Variants in NR5A1 observed in about 807,000 individuals in gnomAD.
NR5A1 encodes steroidogenic factor 1.
In NR5A1, 6 loss-of-function variants were observed where a neutral mutation model predicts 42.7. That is an observed-to-expected ratio of 0.14 (90% CI 0.08 to 0.28). The LOEUF (loss-of-function observed/expected upper bound fraction) is 0.28, where lower values mean the gene tolerates loss of function less well. Ranked by LOEUF, NR5A1 falls within the 10% of genes least tolerant of loss-of-function variation. The pLI, the probability that NR5A1 is intolerant of heterozygous loss-of-function variation, is 1.00. For missense variants in NR5A1, 442 were observed against 626.4 expected (o/e 0.71, Z 3.14); for synonymous variants, 274 against 277.5 (o/e 0.99, Z 0.12).
At chr9:124,486,987 C>T (rs1201522977) in intron 6 of NR5A1, among the ~76,000 whole-genome samples, 1 of 152,248 alleles carries the variant, frequency 6.6e-6, no homozygotes, top group Non-Finnish European at 1.5e-5. Flanking sequence ...GGAGCTGGCT[C>T]TCATCTGCAT....
chr9:124,489,102 C>T (rs1346020266), intron 6 of NR5A1, among the ~76,000 whole-genome samples: 1 of 152,244 alleles, frequency 6.6e-6, no homozygotes, highest in African/African-American at 2.4e-5. Flanking sequence ...CTGGATTCAC[C>T]CCCGGCAGCC....
intron 6 of NR5A1, among the ~76,000 whole-genome samples, 196 bp downstream of exon 6, chr9:124,490,885 C>A (rs1488816364): frequency 6.6e-6 from 1 of 152,186 alleles, no homozygotes; most frequent in Non-Finnish European, 1.5e-5. Context: ...CGGGAGCAGC[C>A]CCCATTTAAG....
chr9:124,483,425 C>T (rs1047700263), intron 6 of NR5A1, among the ~76,000 whole-genome samples: 16 of 152,204 alleles, frequency 1.1e-4, no homozygotes, highest in Admixed American at 3.3e-4. Flanking sequence ...GTAAAATGGG[C>T]GTGACGACAG....
At chr9:124,502,860 C>T (rs1377585951) in intron 3 of NR5A1, among the ~76,000 whole-genome samples, 2 of 152,212 alleles carry the variant, frequency 1.3e-5, no homozygotes, top group Admixed American at 6.5e-5. Context: ...CTTTTGGATA[C>T]TTCTCAGCCC....
chr9:124,488,318 C>A lies in NR5A1; in HGVS notation c.1138+2763G>T, dbSNP rs151123179. The stretch of plus-strand genomic sequence containing the variant: ...AACCTGGAACTGGCCAGCCAAAGGC[C>A]TCTGCAGCCCCCTACATCCCTCTCT... On this transcript the variant is annotated intron_variant, in intron 6 of 6. Transcript: ENST00000373588. Among the ~76,000 whole-genome samples, 7 of 152,238 alleles carry A rather than the reference C, an allele frequency of 4.6e-5. No homozygotes were observed. The East Asian group carries it at 1.4e-3, about 30-fold the overall frequency.
At chr9:124,491,677 T>TCACACA (rs141470926) in intron 5 of NR5A1, among the ~76,000 whole-genome samples, 4 of 149,896 alleles carry the variant, frequency 2.7e-5, no homozygotes, top group African/African-American at 9.8e-5. Context: ...CAGCTCAGAG[T>TCACACA]CACACACACA....
rs1832456181 is a variant in NR5A1, at chr9:124,500,609, G to T, written c.351C>A (p.Gly117=). The T allele has an allele frequency of 6.2e-7, 1 of 1,612,908 alleles. No individual in the cohort carries two copies. The highest frequency in any genetic ancestry group is 8.5e-7 in the Non-Finnish European group (1 of 1,180,022). ...TCGGGGGCCCTGTCTCCAGCTTGAA[G>T]CCATTGGCCCGAATCTGTGCCTTCT... ...QQKKAQIRAN[G]FKLETGPPMG... is the part of the protein sequence containing the mutation. The change falls in exon 4 of 7, where the codon GGC becomes GGA. Residue 117 remains glycine (G), a synonymous_variant. Coordinates refer to ENST00000373588, the MANE Select transcript of NR5A1 (RefSeq NM_004959.5). The surrounding 1 kb of genome is among the most constrained non-coding windows in gnomAD (Gnocchi z 6.9).
chr9:124,491,039 C>CCCCCGGGGGGG, intron 6 of NR5A1, 42 bp downstream of exon 6: 4 of 1,496,940 alleles, frequency 2.7e-6, no homozygotes, highest in Non-Finnish European at 3.6e-6. Flanking sequence ...ACCCACCCGC[C>CCCCCGGGGGGG]TCTGGCTGTC....
At chr9:124,491,017 ACCCACCCT>A in intron 6 of NR5A1, 56 bp downstream of exon 6, 1 of 457,440 alleles carries the variant, frequency 2.2e-6, no homozygotes, top group Non-Finnish European at 4.2e-6. Flanking sequence ...CTCCAGCCTC[ACCCACCCT>A]CCCACCCACC....
At chr9:124,499,595 C>T (rs535976964) in intron 4 of NR5A1, among the ~76,000 whole-genome samples, 3 of 152,322 alleles carry the variant, frequency 2.0e-5, no homozygotes, top group East Asian at 1.9e-4. Flanking sequence ...TTGCCAGCCT[C>T]CCTGAATGGG....
intron 6 of NR5A1, among the ~76,000 whole-genome samples, chr9:124,484,668 C>T (rs912281776): frequency 6.6e-6 from 1 of 152,138 alleles, no homozygotes; most frequent in South Asian, 2.1e-4. Flanking sequence ...GCTGGTGAAT[C>T]AGGTGAACCC....
At chr9:124,488,874 C>T (rs1037650778) in intron 6 of NR5A1, among the ~76,000 whole-genome samples, 42 of 152,384 alleles carry the variant, frequency 2.8e-4, no homozygotes, top group African/African-American at 9.9e-4. Flanking sequence ...CACGAGTGCG[C>T]ACGCACGCAC....
intron 1 of NR5A1, among the ~76,000 whole-genome samples, chr9:124,504,744 C>T (rs1279443423): frequency 6.8e-6 from 1 of 146,328 alleles, no homozygotes. Context: ...CTCTCGGCCG[C>T]GCCGCCGCCG....
At position 124,496,980 on chromosome 9, in the gene NR5A1, T is replaced by G. The variant is rs1171116537; in HGVS notation, c.870+3110A>C. 6.6e-6 allele frequency among the ~76,000 whole-genome samples: 1 copy of G among 152,186 alleles called. No individual in the cohort carries two copies. Among genetic ancestry groups the G allele is most frequent in the African/African-American group, 2.4e-5 (1 of 41,444 alleles). On this transcript the variant is annotated intron_variant, in intron 4 of 6. Transcript: ENST00000373588. This position sits in a 1 kb window ranked among gnomAD's most constrained non-coding sequence, Gnocchi z 5.0. The stretch of plus-strand genomic sequence containing the variant: ...TTCCACCTCACAGGGAAAAAGTTGC[T>G]TTATAAGCGCAGGACAAAGTGACCC...
At position 124,482,708 on chromosome 9, in the gene NR5A1, G is replaced by GGCCCCCC; in HGVS notation, c.*49_*50insGGGGGGC. 5.7e-5 allele frequency: 32 copies of GGCCCCCC among 558,000 alleles called. No homozygotes were observed. Among genetic ancestry groups the GGCCCCCC allele is most frequent in the Non-Finnish European group, 8.1e-5 (25 of 308,300 alleles). 34.6% of individuals were successfully genotyped at this position (558,000 alleles called of 1,614,324 possible). A position where few individuals can be genotyped will look rare whatever the true frequency, so the allele number is the denominator to read the frequency against. On this transcript the variant is annotated 3_prime_UTR_variant, in exon 7 of 7. Transcript: ENST00000373588. ...GCGGTGTGGCTGCGGCCCCGCCCAG[G>GGCCCCCC]CCCCGCCCCCAGTCCCGCCCCCAGT...
chr9:124,502,982 A>G, intron 3 of NR5A1, 97 bp downstream of exon 3: 1 of 1,440,434 alleles, frequency 6.9e-7, no homozygotes, highest in Non-Finnish European at 9.2e-7. Context: ...GCCTTCGCGA[A>G]GGCCAATGGT....
chr9:124,482,702 G>GCC lies in NR5A1; in HGVS notation c.*54_*55dup. 4 of 389,634 alleles carry GCC rather than the reference G, an allele frequency of 1.0e-5. No homozygotes were observed. Among genetic ancestry groups the GCC allele is most frequent in the Non-Finnish European group, 1.0e-5 (2 of 196,960 alleles). The allele number at this position is 389,634 out of a possible 1,614,324, so 24.1% of individuals were successfully genotyped here. On this transcript the variant is annotated 3_prime_UTR_variant, in exon 7 of 7. Coordinates refer to ENST00000373588, the MANE Select transcript of NR5A1 (RefSeq NM_004959.5). The stretch of plus-strand genomic sequence containing the variant: ...GAGCCAGCGGTGTGGCTGCGGCCCC[G>GCC]CCCAGGCCCCGCCCCCAGTCCCGCC...
chr9:124,505,469 C>T (rs1354317777), intron 1 of NR5A1, among the ~76,000 whole-genome samples: 1 of 152,180 alleles, frequency 6.6e-6, no homozygotes, highest in East Asian at 1.9e-4. Context: ...CTTCAGTTGC[C>T]GCATCTGTGA....
chr9:124,505,192 C>G (rs1050072088), intron 1 of NR5A1, among the ~76,000 whole-genome samples: 3 of 152,188 alleles, frequency 2.0e-5, no homozygotes, highest in Non-Finnish European at 4.4e-5. Flanking sequence ...CTGCGGAGCC[C>G]GAGTGCCCCG....
Sources: gnomAD v4.1 joint callset for allele counts (sites outside exome capture counted in the v4.1 genomes callset) on GRCh38, gnomAD v4.1.1 for gene constraint, Gnocchi (gnomAD v3.1) non-coding constraint, MANE v1.5 for transcripts, NCBI Gene and HGNC (gene_info 2026-07-23, HGNC 2026-07-21) for gene names.